Variants in GLRA2 observed in about 807,000 individuals in gnomAD.
GLRA2 encodes glycine receptor subunit alpha-2.
Under a neutral mutation model 31.6 loss-of-function variants are expected in GLRA2, and 11 were observed. That is an observed-to-expected ratio of 0.35 (90% confidence interval 0.22 to 0.58). The LOEUF (loss-of-function observed/expected upper bound fraction) is 0.58. Among genes scored for constraint, GLRA2 ranks in the 20% least tolerant of loss-of-function variants. GLRA2 has a pLI of 0.84. For synonymous variants in GLRA2, 132 were observed against 134.0 expected (o/e 0.99, Z 0.10); for missense variants, 212 against 351.8 (o/e 0.60, Z 3.18).
intron 8 of GLRA2, among the ~76,000 whole-genome samples, chrX:14,720,243 CTTGAT>C (rs769426131): frequency 8.9e-6 from 1 of 111,749 alleles, no homozygotes; most frequent in East Asian, 2.8e-4. Flanking sequence ...TACTAATTAA[CTTGAT>C]TTGATCATTA....
the GLRA2 span, among the ~76,000 whole-genome samples, chrX:14,486,392 T>C: frequency 9.0e-6 from 1 of 111,456 alleles, no homozygotes; most frequent in Non-Finnish European, 1.9e-5. Flanking sequence ...TAAATTTAAG[T>C]ACAATAAAAT....
At chrX:14,582,209 C>T (rs1233478852) in intron 4 of GLRA2, among the ~76,000 whole-genome samples, 1 of 59,670 alleles carries the variant, frequency 1.7e-5, no homozygotes, top group African/African-American at 9.8e-5. Flanking sequence ...CCAATGCTAT[C>T]CCTCCCCCTC....
the GLRA2 span, among the ~76,000 whole-genome samples, chrX:14,498,301 A>G: frequency 2.7e-5 from 3 of 111,377 alleles, no homozygotes; most frequent in African/African-American, 9.8e-5. Flanking sequence ...CACCTCATTA[A>G]CAATAAAATA....
chrX:14,680,261 A>G (rs2091186809), intron 7 of GLRA2, among the ~76,000 whole-genome samples: 2 of 112,026 alleles, frequency 1.8e-5, no homozygotes. Context: ...GGGGAGAATT[A>G]ATATACTTCT....
rs1412513353 is a variant in GLRA2 at position 14,731,243 on chromosome X, AACTT to A, written c.*760_*763del. ...TTTTCTTTCCAAGATAAAATTTTGA[AACTT>A]AAATTGTGTATTGTGTAATTAATTT... On this transcript the variant is annotated 3_prime_UTR_variant, in exon 9 of 9. Transcript: ENST00000218075. 7.1e-5 allele frequency: 8 copies of A among 112,466 alleles called. No homozygotes were observed. Among genetic ancestry groups the A allele is most frequent in the African/African-American group, 2.3e-4 (7 of 30,899 alleles). The allele number at this position is 112,466 out of a possible 1,213,427, so 9.3% of individuals were successfully genotyped here. A position where few individuals can be genotyped will look rare whatever the true frequency, so the allele number is the denominator to read the frequency against.
chrX:14,594,244 C>T (rs773598256), intron 4 of GLRA2, among the ~76,000 whole-genome samples: 3 of 111,391 alleles, frequency 2.7e-5, no homozygotes, highest in Non-Finnish European at 3.8e-5. Flanking sequence ...CATGCTTACA[C>T]GTGTTCTCTT....
In GLRA2 at chrX:14,731,651, T is replaced by A. The variant is rs1488785838; in HGVS notation, c.*1166T>A. 2 of 111,890 alleles carry A rather than the reference T, an allele frequency of 1.8e-5. No individual in the cohort carries two copies. Among genetic ancestry groups the A allele is most frequent in the Non-Finnish European group, 3.8e-5 (2 of 53,166 alleles). 9.2% of individuals were successfully genotyped at this position (111,890 alleles called of 1,213,427 possible). On this transcript the variant is annotated 3_prime_UTR_variant, in exon 9 of 9. Coordinates refer to ENST00000218075, the MANE Select transcript of GLRA2 (RefSeq NM_002063.4). Reference sequence around the variant, plus strand: ...TGGTACCAGAGCTACGTGGTTTGAATTCTGGCTACATGTTTTAAGTAAGAA... The same window carrying A: ...TGGTACCAGAGCTACGTGGTTTGAAATCTGGCTACATGTTTTAAGTAAGAA...
At chrX:14,665,384 G>A (rs895113860) in intron 7 of GLRA2, among the ~76,000 whole-genome samples, 22 of 111,740 alleles carry the variant, frequency 2.0e-4, no homozygotes, top group East Asian at 1.4e-3. Flanking sequence ...TTTCCCTTTC[G>A]TTTCCTCATC....
At chrX:14,653,537 A>G (rs2090910301) in intron 7 of GLRA2, among the ~76,000 whole-genome samples, 1 of 112,374 alleles carries the variant, frequency 8.9e-6, no homozygotes, top group South Asian at 3.7e-4. Context: ...AATTGCTGCA[A>G]TCTCATAGTA....
chrX:14,597,126 C>A (rs1027636624), intron 4 of GLRA2, among the ~76,000 whole-genome samples: 6 of 111,841 alleles, frequency 5.4e-5, no homozygotes, highest in Admixed American at 4.8e-4. Flanking sequence ...CCTGTCAAAT[C>A]TCCCTGACAC....
intron 7 of GLRA2, among the ~76,000 whole-genome samples, chrX:14,610,408 T>C (rs1376932542): frequency 8.9e-6 from 1 of 111,948 alleles, no homozygotes; most frequent in Non-Finnish European, 1.9e-5. Context: ...TATATGGTCA[T>C]AGAGAAAGGA....
intron 7 of GLRA2, among the ~76,000 whole-genome samples, chrX:14,667,157 C>T (rs1437805679): frequency 1.3e-4 from 14 of 111,716 alleles, no homozygotes; most frequent in African/African-American, 4.6e-4. Context: ...TTAAGTGATT[C>T]CGTAATAAAC....
chrX:14,509,301 G>C, the GLRA2 span, among the ~76,000 whole-genome samples: 1 of 112,655 alleles, frequency 8.9e-6, no homozygotes, highest in African/African-American at 3.2e-5. Context: ...ACAGCTTCAT[G>C]TATTATATTA....
chrX:14,523,497 G>A, the GLRA2 span, among the ~76,000 whole-genome samples: 1 of 112,078 alleles, frequency 8.9e-6, no homozygotes, highest in Admixed American at 9.5e-5. Flanking sequence ...TTGGCTGTCT[G>A]TGCAAGAGGC....
At chrX:14,665,970 C>G (rs1481602310) in intron 7 of GLRA2, among the ~76,000 whole-genome samples, 5 of 111,706 alleles carry the variant, frequency 4.5e-5, no homozygotes, top group Non-Finnish European at 9.4e-5. Flanking sequence ...GCTCTCTGAC[C>G]TCAGTATTTG....
At chrX:14,569,586 G>A (rs1466472466) in intron 2 of GLRA2, among the ~76,000 whole-genome samples, 1 of 71,480 alleles carries the variant, frequency 1.4e-5, no homozygotes, top group African/African-American at 6.7e-5. Context: ...CTCCTAAGAT[G>A]GCAATAATTT....
chrX:14,466,905 A>G, the GLRA2 span, among the ~76,000 whole-genome samples: 10 of 111,967 alleles, frequency 8.9e-5, no homozygotes, highest in African/African-American at 2.9e-4. Flanking sequence ...GTGCATGCTA[A>G]TGCCTCATCC....
intron 4 of GLRA2, among the ~76,000 whole-genome samples, chrX:14,598,581 C>CT (rs1206124734): frequency 7.1e-5 from 8 of 112,285 alleles, no homozygotes; most frequent in African/African-American, 2.3e-4. Flanking sequence ...TGTTTTATTT[C>CT]TAGTGAGAAT....
intron 7 of GLRA2, among the ~76,000 whole-genome samples, chrX:14,688,787 C>T (rs758866988): frequency 5.3e-4 from 58 of 110,311 alleles, no homozygotes; most frequent in Non-Finnish European, 7.4e-4. Context: ...GGCTCACGCT[C>T]GGTGGGCTGC....
Sources: gnomAD v4.1 joint callset for allele counts (sites outside exome capture counted in the v4.1 genomes callset) on GRCh38, gnomAD v4.1.1 for gene constraint, MANE v1.5 for transcripts, NCBI Gene and HGNC (gene_info 2026-07-23, HGNC 2026-07-21) for gene names.